CUX1: variants seen among roughly 807,000 people sequenced by gnomAD.
CUX1 encodes protein CASP.
CUX1 carries 31 observed loss-of-function variants against 158.8 expected under a neutral mutation model. That is an observed-to-expected ratio of 0.20 (90% CI 0.15 to 0.26). The LOEUF is 0.26. CUX1 is among the 10% of genes least tolerant of loss of function. CUX1 has a pLI of 1.00. For missense variants in CUX1, 1,589 were observed against 2,014.6 expected, an observed-to-expected ratio of 0.79 and a Z score of 4.04; for synonymous variants, 879 against 862.1, an observed-to-expected ratio of 1.02 and a Z score of -0.34.
intron 2 of CUX1, among the ~76,000 whole-genome samples, chr7:102,013,363 A>G (rs1443287739): frequency 6.6e-6 from 1 of 152,230 alleles, no homozygotes; most frequent in Non-Finnish European, 1.5e-5. Context: ...TGATTCATCT[A>G]CCAGGGCCAG....
At chr7:101,932,169 C>G (rs915001753) in intron 2 of CUX1, among the ~76,000 whole-genome samples, 2 of 152,358 alleles carry the variant, frequency 1.3e-5, no homozygotes, top group Middle Eastern at 3.4e-3. Context: ...AGGGAAATGT[C>G]GGCCCTGGGC....
intron 3 of CUX1, among the ~76,000 whole-genome samples, chr7:102,060,085 C>T (rs1365914726): frequency 1.3e-5 from 2 of 151,010 alleles, no homozygotes; most frequent in South Asian, 2.1e-4. Flanking sequence ...ACCATCCTGG[C>T]TAACATGGTG....
intron 8 of CUX1, chr7:102,153,315 C>G (rs1434887795): frequency 5.3e-5 from 8 of 152,246 alleles, no homozygotes; most frequent in Admixed American, 2.6e-4. Flanking sequence ...GCCCCTGGAA[C>G]TTTGCTCTTC....
Position 101,916,062 on chromosome 7 carries a change from C to T in CUX1, c.31-53C>T. 1 of 1,276,148 alleles carries T rather than the reference C, an allele frequency of 7.8e-7. No individual in the cohort carries two copies. The highest frequency in any genetic ancestry group is 1.1e-6 in the Non-Finnish European group (1 of 873,134). 79.1% of individuals were successfully genotyped at this position (1,276,148 alleles called of 1,614,324 possible). On this transcript the variant is annotated intron_variant, in intron 1 of 23. Coordinates refer to ENST00000292535, the MANE Select transcript of CUX1 (RefSeq NM_181552.4). The surrounding 1 kb of genome is among the most constrained non-coding windows in gnomAD (Gnocchi z 4.4). Reference sequence around the variant, plus strand: ...GGTCAAATGCAAATAGGACCCTCCTCTAGTACACAGTGCAATTACAATCTC... The same window carrying T: ...GGTCAAATGCAAATAGGACCCTCCTTTAGTACACAGTGCAATTACAATCTC...
intron 8 of CUX1, among the ~76,000 whole-genome samples, chr7:102,134,919 G>T (rs1833729761): frequency 6.6e-6 from 1 of 152,148 alleles, no homozygotes; most frequent in Non-Finnish European, 1.5e-5. Flanking sequence ...CTCTTTGTGT[G>T]TTTCCTTATA....
intron 2 of CUX1, among the ~76,000 whole-genome samples, chr7:102,005,808 T>C (rs923680666): frequency 1.3e-5 from 2 of 152,186 alleles, no homozygotes; most frequent in Non-Finnish European, 2.9e-5. Flanking sequence ...TCTGGGAACC[T>C]GCTTCTGGAG....
At chr7:102,034,339 T>C (rs1821166654) in intron 3 of CUX1, among the ~76,000 whole-genome samples, 1 of 152,060 alleles carries the variant, frequency 6.6e-6, no homozygotes, top group Admixed American at 6.6e-5. Context: ...TCAGTAGTTA[T>C]ATGAAAAGAT....
intron 14 of CUX1, among the ~76,000 whole-genome samples, chr7:102,264,067 G>A (rs1380110518): frequency 1.4e-5 from 2 of 145,144 alleles, no homozygotes; most frequent in East Asian, 4.0e-4. Context: ...GTGCAGTGGC[G>A]TGATGTCAGC....
intron 4 of CUX1, among the ~76,000 whole-genome samples, chr7:102,073,659 C>G (rs1370444724): frequency 6.6e-6 from 1 of 152,210 alleles, no homozygotes; most frequent in Non-Finnish European, 1.5e-5. Flanking sequence ...AACGTTTCCT[C>G]TTTACCTGAG....
At chr7:102,151,659 C>T (rs1835676587) in intron 8 of CUX1, among the ~76,000 whole-genome samples, 1 of 135,150 alleles carries the variant, frequency 7.4e-6, no homozygotes, top group African/African-American at 2.8e-5. Flanking sequence ...ACTGGGAAGG[C>T]AGAGGCTACA....
At position 102,249,329 on chromosome 7, in the gene CUX1, C is replaced by CCGCTTTG. The variant is rs1226234883; in HGVS notation, c.*291_*297dup. On this transcript the variant is annotated 3_prime_UTR_variant, in exon 24 of 24. Coordinates refer to ENST00000292535, the MANE Select transcript of CUX1 (RefSeq NM_181552.4). Reference sequence around the variant, plus strand: ...CCAGCCCGCGGCCTGGACCCCTGGACCGCTTTGCGCACTTACCGCCCTGCG... The same window carrying CCGCTTTG: ...CCAGCCCGCGGCCTGGACCCCTGGACCGCTTTGCGCTTTGCGCACTTACCGCCCTGCG... The CCGCTTTG allele has an allele frequency of 3.9e-6, 4 of 1,019,720 alleles. No individual in the cohort carries two copies. Among genetic ancestry groups the CCGCTTTG allele is most frequent in the Admixed American group, 5.8e-5 (1 of 17,130 alleles). 63.2% of individuals were successfully genotyped at this position (1,019,720 alleles called of 1,614,324 possible).
chr7:102,258,173 T>TTA lies in CUX1; in HGVS notation c.*9133_*9134dup. The TTA allele has an allele frequency of 1.0e-6, 1 of 985,140 alleles. No individual in the cohort carries two copies. The highest frequency in any genetic ancestry group is 4.7e-5 in the South Asian group (1 of 21,276). The allele number at this position is 985,140 out of a possible 1,614,324, so 61.0% of individuals were successfully genotyped here. On this transcript the variant is annotated 3_prime_UTR_variant, in exon 24 of 24. Transcript: ENST00000292535. Reference sequence around the variant, plus strand: ...CACTGTATGAGACTCACACCATGTATTATTATTCACTAGCACCCTAGGTGT... The same window carrying TTA: ...CACTGTATGAGACTCACACCATGTATTATATTATTCACTAGCACCCTAGGTGT...
At chr7:102,148,072 A>AAGC (rs1402473833) in intron 8 of CUX1, among the ~76,000 whole-genome samples, 8 of 152,236 alleles carry the variant, frequency 5.3e-5, no homozygotes, top group Non-Finnish European at 8.8e-5. Flanking sequence ...GGCAGTGGAT[A>AAGC]AGCAAGTAAT....
At chr7:102,078,952 T>C (rs561439129) in intron 4 of CUX1, among the ~76,000 whole-genome samples, 2 of 152,320 alleles carry the variant, frequency 1.3e-5, no homozygotes, top group African/African-American at 4.8e-5. Context: ...TAAAATGGAA[T>C]GTCATCATTT....
chr7:101,888,391 C>T (rs574599229), intron 1 of CUX1, among the ~76,000 whole-genome samples: 1 of 152,126 alleles, frequency 6.6e-6, no homozygotes, highest in African/African-American at 2.4e-5. Context: ...GTGCTTTATC[C>T]CATTTAATTC....
chr7:102,051,954 G>A (rs1235677722), intron 3 of CUX1, among the ~76,000 whole-genome samples: 1 of 152,144 alleles, frequency 6.6e-6, no homozygotes, highest in Non-Finnish European at 1.5e-5. Context: ...GCTCACATCT[G>A]TAATCCCAGC....
Position 102,256,898 on chromosome 7 carries a change from G to T in CUX1, c.*7856G>T, listed in dbSNP as rs367669436. The T allele has an allele frequency of 2.0e-5, 20 of 985,470 alleles. No homozygotes were observed. In the East Asian group the frequency reaches 9.1e-4, roughly 45 times the overall value. The allele number at this position is 985,470 out of a possible 1,614,324, so 61.0% of individuals were successfully genotyped here. ...GTTGTTTTTCTTGCGTACAAAGTTG[G>T]TCAAAACCATCTTTCAAAGCAACAG... On this transcript the variant is annotated 3_prime_UTR_variant, in exon 24 of 24. Transcript: ENST00000292535.
chr7:101,821,694 T>TTTTTTTTTTTTTTTTTTTTTTTTTTTTTG (rs1792604423), intron 1 of CUX1, among the ~76,000 whole-genome samples: 1 of 131,034 alleles, frequency 7.6e-6, no homozygotes, highest in African/African-American at 3.0e-5. Flanking sequence ...TTTTTTTTTT[T>TTTTTTTTTTTTTTTTTTTTTTTTTTTTTG]TTTGAGACGT....
At chr7:102,048,815 C>T (rs1329674753) in intron 3 of CUX1, among the ~76,000 whole-genome samples, 3 of 151,996 alleles carry the variant, frequency 2.0e-5, no homozygotes, top group Admixed American at 6.6e-5. Context: ...GGCAACAGAG[C>T]GAGACTCCAT....
Sources: gnomAD v4.1 joint callset for allele counts (sites outside exome capture counted in the v4.1 genomes callset) on GRCh38, gnomAD v4.1.1 for gene constraint, Gnocchi (gnomAD v3.1) non-coding constraint, MANE v1.5 for transcripts, NCBI Gene and HGNC (gene_info 2026-07-23, HGNC 2026-07-21) for gene names.